The following COL5A3 variants were observed in gnomAD, a reference collection of about 807,000 sequenced individuals.
COL5A3 encodes the protein collagen type V alpha 3 chain, also known as collagen alpha-3(V) chain.
In COL5A3, 172 loss-of-function variants were observed where a neutral mutation model predicts 250.0. The observed-to-expected ratio is 0.69, with a 90% CI of 0.61 to 0.78. COL5A3 has a LOEUF of 0.78. Ranked by LOEUF, COL5A3 falls within the 30% of genes least tolerant of loss-of-function variation. COL5A3 has a pLI of 0.00. For missense variants in COL5A3, 2,340 were observed against 2,334.4 expected, an observed-to-expected ratio of 1.00 and a Z score of -0.05; for synonymous variants, 937 against 900.4, an observed-to-expected ratio of 1.04 and a Z score of -0.73.
intron 20 of COL5A3, 29 bp from the exon 21 acceptor site, chr19:9,992,909 C>A: frequency 6.2e-7 from 1 of 1,612,770 alleles, no homozygotes; most frequent in Non-Finnish European, 8.5e-7. Context: ...ATTATTTCCA[C>A]ATCACCTCTG....
intron 8 of COL5A3, among the ~76,000 whole-genome samples, chr19:10,000,222 C>T (rs1479199228): frequency 1.3e-5 from 2 of 152,110 alleles, no homozygotes; most frequent in East Asian, 3.9e-4. Flanking sequence ...CACCAATTCT[C>T]GTCTCTCTTG....
chr19:9,973,657 C>T, intron 49 of COL5A3, 34 bp from the exon 50 acceptor site: 1 of 1,611,386 alleles, frequency 6.2e-7, no homozygotes, highest in Non-Finnish European at 8.5e-7. Context: ...GGGAGAGGTC[C>T]CATCCTAGCA....
At chr19:9,970,579 G>T (rs1387730202) in intron 54 of COL5A3, 43 bp downstream of exon 54, 11 of 1,320,020 alleles carry the variant, frequency 8.3e-6, no homozygotes, top group African/African-American at 1.5e-5. Flanking sequence ...GTGAGTGGGG[G>T]CTGTAGATAA....
Position 9,991,917 on chromosome 19 carries a change from G to T in COL5A3, c.1894-76C>A, listed in dbSNP as rs151113845. On this transcript the variant is annotated intron_variant, in intron 22 of 66. Transcript: ENST00000264828. ...GGCGTTAGTGAAATTGACTTGGGGGGGGTCAGTCATGGAAGGGAATAGGGA... is the reference window on the plus strand; with the variant it reads ...GGCGTTAGTGAAATTGACTTGGGGGTGGTCAGTCATGGAAGGGAATAGGGA... The T allele has an allele frequency of 7.0e-6, 11 of 1,573,438 alleles. No homozygotes were observed. The African/African-American group carries it at 1.3e-4, about 19-fold the overall frequency.
intron 16 of COL5A3, 94 bp from the exon 17 acceptor site, chr19:9,993,900 T>C: frequency 1.7e-6 from 2 of 1,185,794 alleles, no homozygotes; most frequent in Middle Eastern, 2.0e-4. Context: ...CATCAAGATT[T>C]TTTTTTTGAC....
At chr19:9,967,595 G>A (rs145628802) in intron 61 of COL5A3, 195 bp from the exon 62 acceptor site, 118 of 579,080 alleles carry the variant, frequency 2.0e-4, no homozygotes, top group African/African-American at 2.0e-3. Context: ...TCAGCATTAG[G>A]CATCAGACAC....
rs746106112 is a variant in COL5A3, at chr19:9,966,366, T to C, written c.4730A>G (p.Asn1577Ser). 1 of 1,610,224 alleles carries C rather than the reference T, an allele frequency of 6.2e-7. No homozygotes were observed. Among genetic ancestry groups the C allele is most frequent in the Non-Finnish European group, 8.5e-7 (1 of 1,177,886 alleles). Residue 1577 changes from asparagine to serine, a missense_variant, in exon 64 of 67, where the codon AAC becomes AGC. Physicochemically the swap from Asn to Ser is conservative, Grantham distance 46 (BLOSUM62 1). Around this residue, in one of 3 missense-constraint regions of COL5A3, gnomAD observed 1,179 missense variants for 1,162.6 expected, o/e 1.01. Transcript: ENST00000264828. ...CARDSFRVFC[N>S]FTAGGETCLY... ...GCAGGTCTCTCCTCCCGCCGTGAAG[T>C]TGCAAAAAACCCTGAACGAGTCCCG...
chr19:9,996,356 C>G (rs2087272086), intron 13 of COL5A3, 77 bp downstream of exon 13: 3 of 1,567,812 alleles, frequency 1.9e-6, no homozygotes, highest in Non-Finnish European at 1.7e-6. Context: ...ACCCCCTTCT[C>G]CTGCCCAGCC....
chr19:9,969,458 C>A (rs894550834), intron 56 of COL5A3, 56 bp from the exon 57 acceptor site: 3 of 1,380,256 alleles, frequency 2.2e-6, no homozygotes, highest in African/African-American at 2.8e-5. Context: ...ACAGTGTGGA[C>A]CCCCCCCCGA....
In COL5A3 at chr19:10,010,305, C is replaced by A; in HGVS notation, c.81G>T (p.Thr27=). ...LLAALQLLPG[T]QADPVDVLKA... ...TCTTCCCTCCCGGCTCACCGGCCTGCGTCCCCGGCAGAAGCTGCAGCGCGG... is the reference window on the plus strand; with the variant it reads ...TCTTCCCTCCCGGCTCACCGGCCTGAGTCCCCGGCAGAAGCTGCAGCGCGG... Residue 27 remains threonine, a synonymous_variant, in exon 1 of 67, where the codon ACG becomes ACT. Transcript: ENST00000264828. The A allele has an allele frequency of 2.1e-6, 3 of 1,446,746 alleles. No individual in the cohort carries two copies. Among genetic ancestry groups the A allele is most frequent in the South Asian group, 1.5e-5 (1 of 68,756 alleles). 89.6% of individuals were successfully genotyped at this position (1,446,746 alleles called of 1,614,324 possible).
chr19:9,996,395 C>G (rs1157620617), intron 13 of COL5A3, 38 bp downstream of exon 13: 1 of 1,608,060 alleles, frequency 6.2e-7, no homozygotes, highest in Non-Finnish European at 8.5e-7. Flanking sequence ...CTATCACTCT[C>G]TGGGGTTCCT....
At position 9,969,653 on chromosome 19, in the gene COL5A3, C is replaced by T; in HGVS notation, c.4020G>A (p.Gly1340=). The change falls in exon 56 of 67, where the codon GGG becomes GGA. Residue 1340 remains glycine (G), a synonymous_variant. Coordinates refer to ENST00000264828, the MANE Select transcript of COL5A3 (RefSeq NM_015719.4). ...KGEPGPDGPP[G]RTGPMGARGP... ...CTCTAGCCCCCATTGGACCCGTCCTCCCTGGGGGCCCATCAGGACCTGGCT... is the reference window on the plus strand; with the variant it reads ...CTCTAGCCCCCATTGGACCCGTCCTTCCTGGGGGCCCATCAGGACCTGGCT... 3 of 1,588,322 alleles carry T rather than the reference C, an allele frequency of 1.9e-6. No homozygotes were observed. The highest frequency in any genetic ancestry group is 2.6e-6 in the Non-Finnish European group (3 of 1,173,574).
At position 9,985,836 on chromosome 19, in the gene COL5A3, T is replaced by C. The variant is rs1214563464; in HGVS notation, c.2406+6A>G. 1.9e-6 allele frequency: 3 copies of C among 1,612,218 alleles called. No homozygotes were observed. The highest frequency in any genetic ancestry group is 1.7e-5 in the Admixed American group (1 of 59,850). ...CCATCTCCACCCCCCACCCCCAGCT[T>C]CCTACCTTAGGTCCAGGGCGTCCTG... On this transcript the variant is annotated splice_donor_region_variant and intron_variant, in intron 31 of 66. Transcript: ENST00000264828.
In COL5A3 at chr19:9,968,204, A is replaced by T. The variant is rs1220212628; in HGVS notation, c.4315-125T>A. The T allele has an allele frequency of 1.9e-6, 2 of 1,078,576 alleles. No homozygotes were observed. The highest frequency in any genetic ancestry group is 2.7e-6 in the Non-Finnish European group (2 of 739,854). The allele number at this position is 1,078,576 out of a possible 1,614,324, so 66.8% of individuals were successfully genotyped here. On this transcript the variant is annotated intron_variant, in intron 59 of 66. Coordinates refer to ENST00000264828, the MANE Select transcript of COL5A3 (RefSeq NM_015719.4). This position sits in a 1 kb window ranked among gnomAD's most constrained non-coding sequence, Gnocchi z 4.1. ...CCCTAGACAAGCCTCCAGTTCCCCC[A>T]CAGAGAGACCCCAAACCCCAGACGC...
intron 20 of COL5A3, 41 bp downstream of exon 20, chr19:9,992,982 C>A (rs758212023): frequency 6.2e-7 from 1 of 1,611,402 alleles, no homozygotes; most frequent in East Asian, 2.2e-5. Context: ...TGACTCCCTC[C>A]CCTGCACCAA....
Position 9,968,093 on chromosome 19 carries a change from A to C in COL5A3, c.4315-14T>G. The C allele has an allele frequency of 6.3e-7, 1 of 1,587,752 alleles. No individual in the cohort carries two copies. Among genetic ancestry groups the C allele is most frequent in the Non-Finnish European group, 8.5e-7 (1 of 1,173,038 alleles). On this transcript the variant is annotated splice_polypyrimidine_tract_variant and intron_variant, in intron 59 of 66. Coordinates refer to ENST00000264828, the MANE Select transcript of COL5A3 (RefSeq NM_015719.4). This position sits in a 1 kb window ranked among gnomAD's most constrained non-coding sequence, Gnocchi z 4.1. ...ACCAGGGGGACCCTAGGAAAAGGACATCGGGTCAGTATTGGTGGGGTACAC... is the reference window on the plus strand; with the variant it reads ...ACCAGGGGGACCCTAGGAAAAGGACCTCGGGTCAGTATTGGTGGGGTACAC...
chr19:9,973,198 G>T (rs12972760), intron 50 of COL5A3, among the ~76,000 whole-genome samples, 172 bp from the exon 51 acceptor site: 23,352 of 152,130 alleles, frequency 0.15, 1,916 homozygotes, highest in South Asian at 0.31. Context: ...TTAAGACAGT[G>T]AAAGGTCTGG....
In COL5A3 at chr19:9,993,790, T is replaced by A; in HGVS notation, c.1604A>T (p.Asp535Val). ...GTCCCCTGGGAGGCCCCGAGCTCCA[T>A]CTGCTCCAGGGCGGCCCTATGGAGA... is the stretch of plus-strand genomic sequence containing the variant. ...RVGKMGRPGA[D>V]GARGLPGDTG... is the part of the protein sequence containing the mutation. Residue 535 changes from aspartate (D) to valine (V), a missense_variant, in exon 17 of 67, where the codon GAT (aspartate) becomes GTT (valine). Physicochemically the swap from Asp to Val is radical, Grantham distance 152. Around this residue, in one of 3 missense-constraint regions of COL5A3, gnomAD observed 1,152 missense variants for 1,146.3 expected, o/e 1.00. Transcript: ENST00000264828. 6.2e-7 allele frequency: 1 copy of A among 1,614,172 alleles called. No homozygotes were observed. The highest frequency in any genetic ancestry group is 1.1e-5 in the South Asian group (1 of 91,078).
Position 10,006,268 on chromosome 19 carries a change from T to C in COL5A3, c.89-37A>G, listed in dbSNP as rs770967704. ...AGAAGCCGGGGGTGTCAGGCAGAGG[T>C]GGGGAACAGCTAGAATAAGCCCAGG... On this transcript the variant is annotated intron_variant, in intron 1 of 66. Transcript: ENST00000264828. 7 of 1,554,884 alleles carry C rather than the reference T, an allele frequency of 4.5e-6. No homozygotes were observed. The African/African-American group carries it at 9.5e-5, about 21-fold the overall frequency.
Sources: allele counts gnomAD v4.1 joint callset (sites outside exome capture counted in the v4.1 genomes callset), GRCh38; gene constraint gnomAD v4.1.1; regional missense constraint gnomAD v4.1.1; non-coding constraint Gnocchi (gnomAD v3.1); transcripts MANE v1.5; gene names NCBI Gene and HGNC (gene_info 2026-07-23, HGNC 2026-07-21).